ZMAT1: variants seen among roughly 807,000 people sequenced by gnomAD.
ZMAT1 encodes the protein zinc finger matrin-type protein 1.
In ZMAT1, 11 loss-of-function variants were observed where a neutral mutation model predicts 18.5. The observed-to-expected ratio is 0.59, with a 90% confidence interval of 0.37 to 0.98. The LOEUF (loss-of-function observed/expected upper bound fraction) is 0.98, where lower values mean the gene tolerates loss of function less well. Ranked by LOEUF, ZMAT1 falls within the 50% of genes least tolerant of loss-of-function variation. The probability of loss-of-function intolerance (pLI) is 0.01; values close to 1 mark genes in which losing one functional copy is unlikely to be tolerated. For missense variants in ZMAT1, 525 were observed against 496.2 expected, an observed-to-expected ratio of 1.06 and a Z score of -0.55; for synonymous variants, 211 against 176.4, an observed-to-expected ratio of 1.20 and a Z score of -1.55.
chrX:101,894,629 G>T, intron 4 of ZMAT1: 1 of 567,978 alleles, frequency 1.8e-6, no homozygotes, highest in Non-Finnish European at 2.1e-6. Context: ...TAAGGTCAAG[G>T]ATGAAACCAT....
chrX:101,906,836 G>A (rs1245551355), intron 1 of ZMAT1, among the ~76,000 whole-genome samples: 1 of 110,937 alleles, frequency 9.0e-6, no homozygotes, highest in Admixed American at 9.5e-5. Flanking sequence ...GACTCCAGAT[G>A]AGACTCTGGT....
At chrX:101,888,775 T>C (rs1248079474) in intron 4 of ZMAT1, 2 of 112,042 alleles carry the variant, frequency 1.8e-5, no homozygotes, top group Non-Finnish European at 3.8e-5. Flanking sequence ...GTGTATTTTA[T>C]GTGTGGCCCA....
At chrX:101,911,893 G>A (rs1001201138) in intron 1 of ZMAT1, 19 of 1,204,526 alleles carry the variant, frequency 1.6e-5, no homozygotes, top group Middle Eastern at 4.6e-4. Context: ...ATGAAAGGAC[G>A]CACACTGGGG....
chrX:101,896,185 T>A (rs1242537890), intron 4 of ZMAT1, among the ~76,000 whole-genome samples: 1 of 112,237 alleles, frequency 8.9e-6, no homozygotes, highest in African/African-American at 3.2e-5. Context: ...TATGATTCTT[T>A]AAAATTAGTG....
At chrX:101,903,214 A>T (rs1475035213) in intron 2 of ZMAT1, among the ~76,000 whole-genome samples, 3 of 111,534 alleles carry the variant, frequency 2.7e-5, no homozygotes, top group Admixed American at 9.5e-5. Context: ...GCACTCTCAC[A>T]CATTTGATTT....
chrX:101,915,972 C>T (rs1929296259), intron 1 of ZMAT1, among the ~76,000 whole-genome samples: 1 of 111,866 alleles, frequency 8.9e-6, no homozygotes, highest in African/African-American at 3.3e-5. Flanking sequence ...TTTACAACAT[C>T]AAAGACATGG....
intron 1 of ZMAT1, chrX:101,918,636 CAAAA>C (rs201433508): frequency 1.0e-5 from 1 of 98,697 alleles, no homozygotes. Flanking sequence ...GACTCCATCT[CAAAA>C]AAAAAAGTAA....
rs373546295 is a variant in ZMAT1 at position 101,894,758 on chromosome X, AAGG to A, written c.676+3107_676+3109del. The stretch of plus-strand genomic sequence containing the variant: ...TACATATGACAAAGAATAGAGCTTC[AAGG>A]AGGAGAGAAGAATGAACATTTTCAC... On this transcript the variant is annotated intron_variant, in intron 4 of 5. Coordinates refer to ENST00000651725, the MANE Select transcript of ZMAT1 (RefSeq NM_001394560.1). The A allele has an allele frequency of 9.3e-6, 7 of 751,685 alleles. No homozygotes were observed. The African/African-American group carries it at 1.4e-4, about 15-fold the overall frequency. 61.9% of individuals were successfully genotyped at this position (751,685 alleles called of 1,213,427 possible). A position where few individuals can be genotyped will look rare whatever the true frequency, so the allele number is the denominator to read the frequency against.
intron 1 of ZMAT1, among the ~76,000 whole-genome samples, chrX:101,918,979 A>G (rs1929542171): frequency 2.7e-5 from 3 of 111,109 alleles, no homozygotes; most frequent in Non-Finnish European, 5.7e-5. Flanking sequence ...TGTTGCCTAG[A>G]CTTACTTCCT....
intron 1 of ZMAT1, among the ~76,000 whole-genome samples, chrX:101,920,972 GA>G (rs1929683934): frequency 9.1e-6 from 1 of 109,414 alleles, no homozygotes; most frequent in Admixed American, 9.8e-5. Flanking sequence ...TTGCCATCTA[GA>G]ATGGTACTTA....
intron 4 of ZMAT1, chrX:101,894,800 G>C (rs761162319): frequency 2.7e-6 from 2 of 750,950 alleles, no homozygotes; most frequent in African/African-American, 4.7e-5. Context: ...AAGGAGAAAG[G>C]CTGGGTAAAG....
chrX:101,924,870 C>T (rs979265089), intron 1 of ZMAT1, among the ~76,000 whole-genome samples: 1 of 111,698 alleles, frequency 9.0e-6, no homozygotes, highest in Non-Finnish European at 1.9e-5. Context: ...TATAACAAAA[C>T]TATGACCTAT....
chrX:101,892,781 T>C, intron 4 of ZMAT1: 1 of 716,602 alleles, frequency 1.4e-6, no homozygotes, highest in East Asian at 1.5e-4. Context: ...AAGAAAGCAG[T>C]GAGAATGATG....
At chrX:101,913,330 C>T (rs1929086209) in intron 1 of ZMAT1, among the ~76,000 whole-genome samples, 1 of 111,369 alleles carries the variant, frequency 9.0e-6, no homozygotes, top group African/African-American at 3.3e-5. Flanking sequence ...AGAACTAAGT[C>T]CTTACTTATC....
chrX:101,931,193 T>C (rs905638195), intron 1 of ZMAT1, among the ~76,000 whole-genome samples: 2 of 111,790 alleles, frequency 1.8e-5, no homozygotes, highest in African/African-American at 3.3e-5. Flanking sequence ...TCTCTGTAAA[T>C]ATTCTACTTC....
rs772185967 is a variant in ZMAT1 at position 101,884,628 on chromosome X, T to TTCTATG, written c.964_969dup (p.His322_Arg323dup). The TTCTATG allele has an allele frequency of 3.3e-6, 4 of 1,211,240 alleles. No individual in the cohort carries two copies. The Admixed American group carries it at 8.7e-5, about 26-fold the overall frequency. ...TCAAATGGGAGTCTTTGTTCAAACATTCTATGTCTGGGTCTGGAATCGACC... is the reference window on the plus strand; with the variant it reads ...TCAAATGGGAGTCTTTGTTCAAACATTCTATGTCTATGTCTGGGTCTGGAATCGACC... On this transcript the variant is annotated inframe_insertion, in exon 6 of 6. Coordinates refer to ENST00000651725, the MANE Select transcript of ZMAT1 (RefSeq NM_001394560.1).
At chrX:101,886,937 T>A in intron 4 of ZMAT1, 1 of 339,602 alleles carries the variant, frequency 2.9e-6, no homozygotes, top group South Asian at 6.8e-5. Context: ...CACCTCTTAA[T>A]TGAATGCCCA....
In ZMAT1 at chrX:101,897,994, T is replaced by C. The variant is rs749825296; in HGVS notation, c.550A>G (p.Asn184Asp). 6 of 1,210,025 alleles carry C rather than the reference T, an allele frequency of 5.0e-6. No homozygotes were observed. Among genetic ancestry groups the C allele is most frequent in the Non-Finnish European group, 6.7e-6 (6 of 895,223 alleles). The part of the protein sequence containing the change: ...VDKNKFCDLC[N>D]MMFSSPLIAQ... ...ATAAGTGGAGAGCTAAACATCATGT[T>C]GCAGAGATCACAAAATTTGTTTTTG... The change falls in exon 4 of 6, where the codon AAC (asparagine) becomes GAC (aspartate). Residue 184 changes from asparagine to aspartate, a missense_variant. Transcript: ENST00000651725.
intron 1 of ZMAT1, among the ~76,000 whole-genome samples, chrX:101,930,121 T>C (rs1174808062): frequency 8.9e-6 from 1 of 112,014 alleles, no homozygotes; most frequent in Admixed American, 9.5e-5. Flanking sequence ...TAAAAGATAC[T>C]GCAAACAAAC....
Sources: gnomAD v4.1 joint callset for allele counts (sites outside exome capture counted in the v4.1 genomes callset) on GRCh38, gnomAD v4.1.1 for gene constraint, MANE v1.5 for transcripts, NCBI Gene and HGNC (gene_info 2026-07-23, HGNC 2026-07-21) for gene names.